SUPT3H: variants seen among roughly 807,000 people sequenced by gnomAD.
SUPT3H encodes transcription initiation protein SPT3 homolog.
In SUPT3H, 44 loss-of-function variants were observed where a neutral mutation model predicts 44.3. That is an observed-to-expected ratio of 0.99 (90% CI 0.78 to 1.28). The LOEUF (loss-of-function observed/expected upper bound fraction) is 1.28. Ranked by LOEUF, SUPT3H falls within the 50% of genes most tolerant of loss-of-function variation. The probability of loss-of-function intolerance (pLI) is 0.00; values close to 1 mark genes in which losing one functional copy is unlikely to be tolerated. For missense variants in SUPT3H, 380 were observed against 387.1 expected (o/e 0.98, Z 0.15); for synonymous variants, 124 against 125.6 (o/e 0.99, Z 0.09).
chr6:45,068,890 T>C (rs1793897411), intron 3 of SUPT3H, among the ~76,000 whole-genome samples: 1 of 152,052 alleles, frequency 6.6e-6, no homozygotes, highest in Non-Finnish European at 1.5e-5. Flanking sequence ...GTTCGTTCCA[T>C]TGATGTCACT....
At chr6:45,277,869 T>C (rs535112610) in intron 2 of SUPT3H, among the ~76,000 whole-genome samples, 1 of 152,338 alleles carries the variant, frequency 6.6e-6, no homozygotes, top group South Asian at 2.1e-4. Context: ...GTTGATTTCA[T>C]TTTAAATGTC....
At chr6:45,062,604 G>A (rs1046947248) in intron 3 of SUPT3H, among the ~76,000 whole-genome samples, 3 of 152,284 alleles carry the variant, frequency 2.0e-5, no homozygotes, top group African/African-American at 7.2e-5. Context: ...GTGGGTGCGC[G>A]CACCATGCGC....
rs111276299 is a variant in SUPT3H at position 45,030,648 on chromosome 6, G to C, written c.187-10016C>G. 9.1e-3 allele frequency among the ~76,000 whole-genome samples: 1,379 copies of C among 152,122 alleles called. 16 individuals are homozygous for C. The highest frequency in any genetic ancestry group is 0.028 in the South Asian group (137 of 4,820). ...ACTGAATTACACCAGACCACACACA[G>C]GCCAATGTAATGATTAGAAAAGTTA... On this transcript the variant is annotated intron_variant, in intron 3 of 10. Coordinates refer to ENST00000371459, the MANE Select transcript of SUPT3H (RefSeq NM_003599.4).
At chr6:45,013,374 T>A (rs1171918514) in intron 5 of SUPT3H, among the ~76,000 whole-genome samples, 1 of 151,998 alleles carries the variant, frequency 6.6e-6, no homozygotes, top group African/African-American at 2.4e-5. Flanking sequence ...TTCCACACAC[T>A]CTGTTCCAAG....
At chr6:45,180,272 C>T (rs1175409524) in intron 2 of SUPT3H, among the ~76,000 whole-genome samples, 9 of 145,134 alleles carry the variant, frequency 6.2e-5, no homozygotes, top group Non-Finnish European at 9.1e-5. Context: ...GAATCAATAT[C>T]GTGAAAATGG....
At chr6:45,177,348 G>A (rs1028326821) in intron 2 of SUPT3H, among the ~76,000 whole-genome samples, 9 of 152,188 alleles carry the variant, frequency 5.9e-5, no homozygotes, top group African/African-American at 1.9e-4. Flanking sequence ...ATGAAATGAA[G>A]TGAGAAGGGA....
In SUPT3H at chr6:45,224,849, G is replaced by A. The variant is rs187271163; in HGVS notation, c.102-118843C>T. On this transcript the variant is annotated intron_variant, in intron 2 of 10. Coordinates refer to ENST00000371459, the MANE Select transcript of SUPT3H (RefSeq NM_003599.4). ...ACAGATTTTATTAACTATTAGTCAAGGTAAGATAATTTTTCATTTATTATA... is the reference window on the plus strand; with the variant it reads ...ACAGATTTTATTAACTATTAGTCAAAGTAAGATAATTTTTCATTTATTATA... Among the ~76,000 whole-genome samples, 18 of 151,416 alleles carry A rather than the reference G, an allele frequency of 1.2e-4. No individual in the cohort carries two copies. In the East Asian group the frequency reaches 3.5e-3, roughly 29 times the overall value.
At chr6:45,191,011 T>G (rs1169870147) in intron 2 of SUPT3H, among the ~76,000 whole-genome samples, 1 of 152,112 alleles carries the variant, frequency 6.6e-6, no homozygotes, top group Non-Finnish European at 1.5e-5. Context: ...TGATAGTGTC[T>G]TATAAAACTA....
intron 2 of SUPT3H, among the ~76,000 whole-genome samples, chr6:45,176,779 G>A (rs1158562810): frequency 6.6e-6 from 1 of 152,174 alleles, no homozygotes; most frequent in Non-Finnish European, 1.5e-5. Flanking sequence ...TGACCCCCGA[G>A]CAGCCTAACT....
At chr6:44,859,505 C>T (rs951084002) in intron 10 of SUPT3H, among the ~76,000 whole-genome samples, 1 of 152,086 alleles carries the variant, frequency 6.6e-6, no homozygotes, top group African/African-American at 2.4e-5. Context: ...AAATACAGAA[C>T]CCCTTTGTAG....
At chr6:44,978,443 A>G (rs1279894980) in intron 6 of SUPT3H, among the ~76,000 whole-genome samples, 3 of 152,234 alleles carry the variant, frequency 2.0e-5, no homozygotes, top group Admixed American at 2.0e-4. Flanking sequence ...TGCTCTGGTC[A>G]TAATACCATA....
chr6:45,208,189 T>A (rs983242338), intron 2 of SUPT3H, among the ~76,000 whole-genome samples: 4 of 152,144 alleles, frequency 2.6e-5, no homozygotes, highest in Non-Finnish European at 4.4e-5. Context: ...GTTAGAACAT[T>A]CCCATAAGCC....
intron 2 of SUPT3H, among the ~76,000 whole-genome samples, chr6:45,180,866 A>C (rs1045770633): frequency 3.9e-4 from 59 of 151,460 alleles, no homozygotes; most frequent in African/African-American, 7.5e-4. Context: ...AAATTGACAA[A>C]TGGGATCTAA....
At chr6:45,111,540 A>AC (rs1800069911) in intron 2 of SUPT3H, among the ~76,000 whole-genome samples, 1 of 19,222 alleles carries the variant, frequency 5.2e-5, no homozygotes, top group South Asian at 1.4e-3. Context: ...TCCCCCCCGC[A>AC]AAAAAAACAA....
At chr6:45,127,568 C>T (rs1338737313) in intron 2 of SUPT3H, among the ~76,000 whole-genome samples, 2 of 152,210 alleles carry the variant, frequency 1.3e-5, no homozygotes, top group East Asian at 3.9e-4. Flanking sequence ...GACTCTAAAT[C>T]CAGAGTTAGC....
Position 45,312,687 on chromosome 6 carries a change from G to C in SUPT3H, c.101+52514C>G, listed in dbSNP as rs941019366. Among the ~76,000 whole-genome samples the C allele has an allele frequency of 1.2e-4, 17 of 139,442 alleles. No homozygotes were observed. The East Asian group carries it at 1.6e-3, about 13-fold the overall frequency. 91.5% of individuals were successfully genotyped at this position (139,442 alleles called of 152,430 possible). A position where few individuals can be genotyped will look rare whatever the true frequency, so the allele number is the denominator to read the frequency against. On this transcript the variant is annotated intron_variant, in intron 2 of 10. Transcript: ENST00000371459. ...TAGACAGCAACACAATAATGTGGGG[G>C]GGGGGGGGGACTTCAATACTCCACT...
chr6:45,063,496 C>T (rs539299119), intron 3 of SUPT3H, among the ~76,000 whole-genome samples: 2,761 of 136,424 alleles, frequency 0.02, 67 homozygotes, highest in South Asian at 0.091. Flanking sequence ...AGGCTTCAGA[C>T]GATCAAATTA....
At chr6:45,288,913 A>G (rs1193815129) in intron 2 of SUPT3H, among the ~76,000 whole-genome samples, 1 of 152,026 alleles carries the variant, frequency 6.6e-6, no homozygotes, top group Non-Finnish European at 1.5e-5. Flanking sequence ...AGTTTTAAAG[A>G]ATTACATGAG....
chr6:44,966,768 T>C lies in SUPT3H; in HGVS notation c.505-4940A>G, dbSNP rs963363266. On this transcript the variant is annotated intron_variant, in intron 6 of 10. Coordinates refer to ENST00000371459, the MANE Select transcript of SUPT3H (RefSeq NM_003599.4). ...GCTATTCCGTATAGTCATTAAACTA[T>C]AACAAAAAAGACATCATATCATTGT... Among the ~76,000 whole-genome samples the C allele has an allele frequency of 3.3e-5, 5 of 152,158 alleles. No homozygotes were observed. The East Asian group carries it at 9.6e-4, about 29-fold the overall frequency.
Sources: allele counts gnomAD v4.1 joint callset (sites outside exome capture counted in the v4.1 genomes callset), GRCh38; gene constraint gnomAD v4.1.1; transcripts MANE v1.5; gene names NCBI Gene and HGNC (gene_info 2026-07-23, HGNC 2026-07-21).